KIRREL3: variants seen among roughly 807,000 people sequenced by gnomAD.
KIRREL3 encodes the protein kirre like nephrin family adhesion molecule 3.
A neutral mutation model predicts 89.7 loss-of-function variants in KIRREL3; 36 were observed. The observed-to-expected ratio is 0.40, with a 90% confidence interval of 0.31 to 0.53. The LOEUF is 0.53. KIRREL3 is among the 20% of genes least tolerant of loss of function. The probability of loss-of-function intolerance (pLI) is 0.49; values close to 1 mark genes in which losing one functional copy is unlikely to be tolerated. For synonymous variants in KIRREL3, 445 were observed against 441.4 expected, an observed-to-expected ratio of 1.01 and a Z score of -0.10; for missense variants, 864 against 1,056.6, an observed-to-expected ratio of 0.82 and a Z score of 2.53.
At position 126,924,992 on chromosome 11, in the gene KIRREL3, T is replaced by C. The variant is rs1592376836; in HGVS notation, c.55+75463A>G. On this transcript the variant is annotated intron_variant, in intron 1 of 16. Transcript: ENST00000525144. The surrounding 1 kb of genome is among the most constrained non-coding windows in gnomAD (Gnocchi z 4.7). ...TAAAATTGAAAAAAAAAAAAAACAG[T>C]CCTAGGAGTTATGCCCTTAGGGCAA... 1.5e-5 allele frequency among the ~76,000 whole-genome samples: 2 copies of C among 136,618 alleles called. No individual in the cohort carries two copies. Among genetic ancestry groups the C allele is most frequent in the South Asian group, 4.7e-4 (2 of 4,290 alleles). 89.6% of individuals were successfully genotyped at this position (136,618 alleles called of 152,430 possible).
Position 126,664,677 on chromosome 11 carries a change from C to T in KIRREL3, c.56-101765G>A, listed in dbSNP as rs572196011. 6.6e-6 allele frequency among the ~76,000 whole-genome samples: 1 copy of T among 152,310 alleles called. No homozygotes were observed. Among genetic ancestry groups the T allele is most frequent in the East Asian group, 1.9e-4 (1 of 5,182 alleles). ...AAAGCCAGTTCTCTCTTGGAGATGG[C>T]CACTGTTGCTCTCTGGGCTGTGGGA... On this transcript the variant is annotated intron_variant, in intron 1 of 16. Coordinates refer to ENST00000525144, the MANE Select transcript of KIRREL3 (RefSeq NM_032531.4). The surrounding 1 kb of genome is among the most constrained non-coding windows in gnomAD (Gnocchi z 5.4).
At chr11:126,440,348 A>G (rs1390261094) in intron 11 of KIRREL3, 101 bp downstream of exon 11, 1 of 987,452 alleles carries the variant, frequency 1.0e-6, no homozygotes, top group African/African-American at 1.6e-5. Flanking sequence ...AGAAAGAGGA[A>G]CCTCGGAGGT....
intron 1 of KIRREL3, among the ~76,000 whole-genome samples, chr11:126,923,734 G>A (rs996181131): frequency 6.6e-6 from 1 of 152,022 alleles, no homozygotes; most frequent in Non-Finnish European, 1.5e-5. Context: ...ATGAGCCACC[G>A]CACCTGGCCT....
rs1939163854 is a variant in KIRREL3 at position 126,550,428 on chromosome 11, C to T, written c.133+12407G>A. On this transcript the variant is annotated intron_variant, in intron 2 of 16. Transcript: ENST00000525144. The surrounding 1 kb of genome is among the most constrained non-coding windows in gnomAD (Gnocchi z 4.9). ...TTGGGAGGCTGAGGCGGGTGGATCACCCGAGGTCAGGAGTTTGAGACCAGC... is the reference window on the plus strand; with the variant it reads ...TTGGGAGGCTGAGGCGGGTGGATCATCCGAGGTCAGGAGTTTGAGACCAGC... 1 of 152,190 alleles carries T rather than the reference C, an allele frequency of 6.6e-6. No individual in the cohort carries two copies. Among genetic ancestry groups the T allele is most frequent in the Non-Finnish European group, 1.5e-5 (1 of 68,060 alleles). 9.4% of individuals were successfully genotyped at this position (152,190 alleles called of 1,614,324 possible). A position where few individuals can be genotyped will look rare whatever the true frequency, so the allele number is the denominator to read the frequency against.
chr11:126,957,667 G>A (rs369469121), intron 1 of KIRREL3, among the ~76,000 whole-genome samples: 3 of 152,180 alleles, frequency 2.0e-5, no homozygotes, highest in Non-Finnish European at 2.9e-5. Flanking sequence ...AGGGTTGGAC[G>A]TGTTGTAGGG....
intron 6 of KIRREL3, among the ~76,000 whole-genome samples, chr11:126,457,175 AAG>A (rs1485548843): frequency 1.8e-5 from 2 of 110,644 alleles, no homozygotes; most frequent in African/African-American, 3.1e-5. Context: ...ACCATAGAGG[AAG>A]AGAGATTATG....
intron 1 of KIRREL3, among the ~76,000 whole-genome samples, chr11:126,649,487 C>T (rs1030779104): frequency 5.3e-5 from 8 of 152,202 alleles, no homozygotes; most frequent in African/African-American, 1.9e-4. Flanking sequence ...TAAATACAGC[C>T]ATTCCAAATG....
Position 126,943,859 on chromosome 11 carries a change from A to G in KIRREL3, c.55+56596T>C, listed in dbSNP as rs1258624848. ...TCAAGGTTTAGGAGGTGAGGGGGACATAGTATCATTCGGTTTGGTCTAGGT... is the reference window on the plus strand; with the variant it reads ...TCAAGGTTTAGGAGGTGAGGGGGACGTAGTATCATTCGGTTTGGTCTAGGT... On this transcript the variant is annotated intron_variant, in intron 1 of 16. Coordinates refer to ENST00000525144, the MANE Select transcript of KIRREL3 (RefSeq NM_032531.4). The surrounding 1 kb of genome is among the most constrained non-coding windows in gnomAD (Gnocchi z 4.2). Among the ~76,000 whole-genome samples, 1 of 152,222 alleles carries G rather than the reference A, an allele frequency of 6.6e-6. No homozygotes were observed. Among genetic ancestry groups the G allele is most frequent in the Admixed American group, 6.5e-5 (1 of 15,290 alleles).
At chr11:126,757,923 C>T (rs1949556861) in intron 1 of KIRREL3, among the ~76,000 whole-genome samples, 1 of 152,184 alleles carries the variant, frequency 6.6e-6, no homozygotes, top group African/African-American at 2.4e-5. Context: ...TTTTGTCATT[C>T]TCTTATTCTG....
At chr11:126,446,360 A>G (rs186011926) in intron 9 of KIRREL3, among the ~76,000 whole-genome samples, 1 of 115,058 alleles carries the variant, frequency 8.7e-6, no homozygotes, top group East Asian at 2.1e-4. Context: ...TTTTTTCCCC[A>G]AGGTCTTGCT....
At chr11:126,648,893 C>A (rs2134963289) in intron 1 of KIRREL3, among the ~76,000 whole-genome samples, 1 of 152,238 alleles carries the variant, frequency 6.6e-6, no homozygotes, top group South Asian at 2.1e-4. Flanking sequence ...TCAGGTGTGT[C>A]ATGTTGGAAA....
In KIRREL3 at chr11:126,463,093, G is replaced by A; in HGVS notation, c.742+64C>T. 2.6e-6 allele frequency: 4 copies of A among 1,529,182 alleles called. No homozygotes were observed. The highest frequency in any genetic ancestry group is 3.6e-6 in the Non-Finnish European group (4 of 1,114,264). 94.7% of individuals were successfully genotyped at this position (1,529,182 alleles called of 1,614,324 possible). On this transcript the variant is annotated intron_variant, in intron 6 of 16. Transcript: ENST00000525144. This position sits in a 1 kb window ranked among gnomAD's most constrained non-coding sequence, Gnocchi z 5.9. ...TATCAGATGGGCCAGGCTATGGTCA[G>A]GGTTGCTGGGTGTTTCACCCTGGGC...
rs1052186679 is a variant in KIRREL3, at chr11:126,571,804, G to A, written c.56-8892C>T. 6.6e-5 allele frequency among the ~76,000 whole-genome samples: 10 copies of A among 152,158 alleles called. No homozygotes were observed. Among genetic ancestry groups the A allele is most frequent in the Admixed American group, 1.3e-4 (2 of 15,280 alleles). On this transcript the variant is annotated intron_variant, in intron 1 of 16. Coordinates refer to ENST00000525144, the MANE Select transcript of KIRREL3 (RefSeq NM_032531.4). The surrounding 1 kb of genome is among the most constrained non-coding windows in gnomAD (Gnocchi z 7.7). ...AATAATGTTGGTTAAAGAATTTTAC[G>A]GGAAACAGTTTTATCCCATGTGCAA... is the stretch of plus-strand genomic sequence containing the variant.
In KIRREL3 at chr11:126,541,309, A is replaced by C. The variant is rs1286707253; in HGVS notation, c.134-14622T>G. Among the ~76,000 whole-genome samples, 3 of 152,176 alleles carry C rather than the reference A, an allele frequency of 2.0e-5. No individual in the cohort carries two copies. The highest frequency in any genetic ancestry group is 4.8e-5 in the African/African-American group (2 of 41,440). ...GGGCCTGACTCTTTAACTAAGACTC[A>C]GATGCCTTATCTGTAAAATGCAAGG... On this transcript the variant is annotated intron_variant, in intron 2 of 16. Transcript: ENST00000525144. The surrounding 1 kb of genome is among the most constrained non-coding windows in gnomAD (Gnocchi z 4.8).
intron 1 of KIRREL3, among the ~76,000 whole-genome samples, chr11:126,857,792 G>GCGGA (rs1944578415): frequency 4.1e-5 from 5 of 122,396 alleles, no homozygotes; most frequent in Middle Eastern, 4.1e-3. Flanking sequence ...TGGGGGTGGG[G>GCGGA]TGGGTGAGGC....
intron 1 of KIRREL3, among the ~76,000 whole-genome samples, chr11:126,582,304 G>T (rs1941592698): frequency 6.6e-6 from 1 of 152,202 alleles, no homozygotes; most frequent in African/African-American, 2.4e-5. Flanking sequence ...TGCACTGCTT[G>T]CTAGTGGGCC....
In KIRREL3 at chr11:126,966,897, T is replaced by C. The variant is rs571178765; in HGVS notation, c.55+33558A>G. ...GTAAACAAGAATGACTGTTATTTAT[T>C]AATGCAGTCCACAGAAATCTGTAAA... On this transcript the variant is annotated intron_variant, in intron 1 of 16. Coordinates refer to ENST00000525144, the MANE Select transcript of KIRREL3 (RefSeq NM_032531.4). Among the ~76,000 whole-genome samples the C allele has an allele frequency of 5.6e-4, 86 of 152,362 alleles. 2 individuals carry two copies. Among genetic ancestry groups the C allele is most frequent in the African/African-American group, 1.6e-3 (65 of 41,586 alleles).
At chr11:126,538,366 C>T (rs1938085657) in intron 2 of KIRREL3, among the ~76,000 whole-genome samples, 1 of 152,136 alleles carries the variant, frequency 6.6e-6, no homozygotes, top group Non-Finnish European at 1.5e-5. Context: ...GGGAAGCTGC[C>T]CCTCCAGAGA....
chr11:126,677,914 C>A lies in KIRREL3; in HGVS notation c.56-115002G>T, dbSNP rs1270708469. Reference sequence around the variant, plus strand: ...ATTATGGCTGTTGTCACCACCAAGCCCTGTCTTGTCATCAGCCTCAGTGTC... The same window carrying A: ...ATTATGGCTGTTGTCACCACCAAGCACTGTCTTGTCATCAGCCTCAGTGTC... On this transcript the variant is annotated intron_variant, in intron 1 of 16. Transcript: ENST00000525144. The surrounding 1 kb of genome is among the most constrained non-coding windows in gnomAD (Gnocchi z 5.1). 6.6e-6 allele frequency among the ~76,000 whole-genome samples: 1 copy of A among 152,120 alleles called. No individual in the cohort carries two copies. Among genetic ancestry groups the A allele is most frequent in the Non-Finnish European group, 1.5e-5 (1 of 68,018 alleles).
Sources: allele counts gnomAD v4.1 joint callset (sites outside exome capture counted in the v4.1 genomes callset), GRCh38; gene constraint gnomAD v4.1.1; non-coding constraint Gnocchi (gnomAD v3.1); transcripts MANE v1.5; gene names NCBI Gene and HGNC (gene_info 2026-07-23, HGNC 2026-07-21).